The following SYDE1 variants were observed in gnomAD, a reference collection of about 807,000 sequenced individuals.
SYDE1 encodes the protein rho GTPase-activating protein SYDE1.
SYDE1 carries 34 observed loss-of-function variants against 63.3 expected under a neutral mutation model. The observed-to-expected ratio is 0.54, with a 90% CI of 0.41 to 0.71. The LOEUF (loss-of-function observed/expected upper bound fraction) is 0.71. SYDE1 is among the 30% of genes least tolerant of loss of function. The probability of loss-of-function intolerance (pLI) is 0.00; values close to 1 mark genes in which losing one functional copy is unlikely to be tolerated. For synonymous variants in SYDE1, 467 were observed against 473.4 expected, an observed-to-expected ratio of 0.99 and a Z score of 0.18; for missense variants, 925 against 1,042.5, an observed-to-expected ratio of 0.89 and a Z score of 1.55.
In SYDE1 at chr19:15,112,434, G is replaced by T; in HGVS notation, c.1667G>T (p.Cys556Phe). Residue 556 changes from cysteine (C) to phenylalanine (F), a missense_variant, in exon 7 of 8, where the codon TGC (cysteine) becomes TTC (phenylalanine). This residue lies in a region of SYDE1 where 255 missense variants were observed against 255.9 expected (regional missense o/e 1.00). Coordinates refer to ENST00000342784, the MANE Select transcript of SYDE1 (RefSeq NM_033025.6). The part of the protein sequence containing the change: ...NRMTPQNLAV[C>F]FGPVLLPARQ... ...ATGACCCCACAGAACTTGGCCGTGT[G>T]CTTCGGGCCTGTGCTGCTGCCGGCA... The T allele has an allele frequency of 6.2e-7, 1 of 1,601,968 alleles. No homozygotes were observed.
chr19:15,111,166 A>G lies in SYDE1; in HGVS notation c.1291-147A>G. ...GACAAGTAGTCCAAGCAGAGGGTTT[A>G]CAAGGCCAGGTTGTCAAGGTAGTTC... On this transcript the variant is annotated intron_variant, in intron 4 of 7. Transcript: ENST00000342784. This position sits in a 1 kb window ranked among gnomAD's most constrained non-coding sequence, Gnocchi z 5.5. The G allele has an allele frequency of 2.4e-6, 2 of 818,458 alleles. No individual in the cohort carries two copies. Among genetic ancestry groups the G allele is most frequent in the Non-Finnish European group, 3.9e-6 (2 of 516,250 alleles). 50.7% of individuals were successfully genotyped at this position (818,458 alleles called of 1,614,324 possible).
chr19:15,110,370 G>A lies in SYDE1; in HGVS notation c.1075+22G>A, dbSNP rs2046336748. The A allele has an allele frequency of 3.5e-6, 5 of 1,436,144 alleles. No individual in the cohort carries two copies. Among genetic ancestry groups the A allele is most frequent in the South Asian group, 1.5e-5 (1 of 68,056 alleles). 89.0% of individuals were successfully genotyped at this position (1,436,144 alleles called of 1,614,324 possible). A position where few individuals can be genotyped will look rare whatever the true frequency, so the allele number is the denominator to read the frequency against. On this transcript the variant is annotated intron_variant, in intron 3 of 7. Coordinates refer to ENST00000342784, the MANE Select transcript of SYDE1 (RefSeq NM_033025.6). The surrounding 1 kb of genome is among the most constrained non-coding windows in gnomAD (Gnocchi z 6.9). ...CGAGGTAGGACATGCGGCTGCAGGG[G>A]AGGAGGGGCAGGGACCCCCAAACCC...
intron 6 of SYDE1, among the ~76,000 whole-genome samples, 165 bp from the exon 7 acceptor site, chr19:15,112,181 T>C (rs1318351532): frequency 6.6e-6 from 1 of 152,182 alleles, no homozygotes; most frequent in Non-Finnish European, 1.5e-5. Context: ...TCCAACAAAA[T>C]AGGCTCATAA....
Position 15,111,378 on chromosome 19 carries a change from G to C in SYDE1, c.1356G>C (p.Glu452Asp). The C allele has an allele frequency of 6.2e-7, 1 of 1,614,114 alleles. No individual in the cohort carries two copies. Among genetic ancestry groups the C allele is most frequent in the Middle Eastern group, 1.6e-4 (1 of 6,062 alleles). ...AGAAAGAGCTTCGGGATGCCTTTGA[G>C]CGGGACAGTGCAGCGGTCTGCCTAT... ...AVKKELRDAFERDSAAVCLSE... is the reference protein window; with the variant it reads ...AVKKELRDAFDRDSAAVCLSE... Residue 452 changes from glutamate (E) to aspartate (D), a missense_variant, in exon 5 of 8, where the codon GAG (glutamate) becomes GAC (aspartate). Transcript: ENST00000342784. The surrounding 1 kb of genome is among the most constrained non-coding windows in gnomAD (Gnocchi z 5.5).
rs769245697 is a variant in SYDE1, at chr19:15,112,538, G to A, written c.1771G>A (p.Glu591Lys). ...TGCAGTGGACTTCAAGCACCACATCGAGGTGCTGCACTACCTGCTGCAGTC... is the reference window on the plus strand; with the variant it reads ...TGCAGTGGACTTCAAGCACCACATCAAGGTGCTGCACTACCTGCTGCAGTC... ...ASAVDFKHHI[E>K]VLHYLLQSWP... Residue 591 changes from glutamate to lysine, a missense_variant, in exon 7 of 8, where the codon GAG becomes AAG. Glu to Lys is a moderately conservative substitution (Grantham distance 56, BLOSUM62 1). Around this residue, in one of 3 missense-constraint regions of SYDE1, gnomAD observed 255 missense variants for 255.9 expected, o/e 1.00. Coordinates refer to ENST00000342784, the MANE Select transcript of SYDE1 (RefSeq NM_033025.6). 5 of 1,597,906 alleles carry A rather than the reference G, an allele frequency of 3.1e-6. No individual in the cohort carries two copies. The highest frequency in any genetic ancestry group is 2.3e-5 in the East Asian group (1 of 44,274).
Position 15,107,503 on chromosome 19 carries a change from T to A in SYDE1, c.70T>A (p.Ser24Thr). The A allele has an allele frequency of 1.3e-6, 2 of 1,543,752 alleles. No individual in the cohort carries two copies. The highest frequency in any genetic ancestry group is 1.8e-6 in the Non-Finnish European group (2 of 1,142,292). ...RGREKLPRKK[S>T]DAKERGHPAQ... ...CCGGGAGAAACTTCCCCGGAAAAAG[T>A]CGGACGCCAAGGAGCGCGGTAAGCG... The change falls in exon 1 of 8, where the codon TCG becomes ACG. Residue 24 changes from serine to threonine, a missense_variant. Coordinates refer to ENST00000342784, the MANE Select transcript of SYDE1 (RefSeq NM_033025.6).
rs1413001353 is a variant in SYDE1 at position 15,110,409 on chromosome 19, C to T, written c.1075+61C>T. ...ACCCCCAAACCCCACCGCCACCCCC[C>T]GCAGAGTGCCTAGGGGGCTGGGCTC... On this transcript the variant is annotated intron_variant, in intron 3 of 7. Transcript: ENST00000342784. The surrounding 1 kb of genome is among the most constrained non-coding windows in gnomAD (Gnocchi z 6.9). 1.2e-5 allele frequency: 17 copies of T among 1,452,822 alleles called. No individual in the cohort carries two copies. In the Admixed American group the frequency reaches 1.2e-4, roughly 10 times the overall value. The allele number at this position is 1,452,822 out of a possible 1,614,324, so 90.0% of individuals were successfully genotyped here. A position where few individuals can be genotyped will look rare whatever the true frequency, so the allele number is the denominator to read the frequency against.
Position 15,111,186 on chromosome 19 carries a change from T to C in SYDE1, c.1291-127T>C, listed in dbSNP as rs2046343512. 2 of 1,008,816 alleles carry C rather than the reference T, an allele frequency of 2.0e-6. No homozygotes were observed. 62.5% of individuals were successfully genotyped at this position (1,008,816 alleles called of 1,614,324 possible). On this transcript the variant is annotated intron_variant, in intron 4 of 7. Coordinates refer to ENST00000342784, the MANE Select transcript of SYDE1 (RefSeq NM_033025.6). This position sits in a 1 kb window ranked among gnomAD's most constrained non-coding sequence, Gnocchi z 5.5. Reference sequence around the variant, plus strand: ...GGTTTACAAGGCCAGGTTGTCAAGGTAGTTCCAACCTCCCAGCCCACAATG... The same window carrying C: ...GGTTTACAAGGCCAGGTTGTCAAGGCAGTTCCAACCTCCCAGCCCACAATG...
rs1177034610 is a variant in SYDE1 at position 15,114,632 on chromosome 19, C to CCA, written c.*670_*671insAC. The CCA allele has an allele frequency of 6.8e-6, 1 of 146,032 alleles. No individual in the cohort carries two copies. Among genetic ancestry groups the CCA allele is most frequent in the Non-Finnish European group, 1.5e-5 (1 of 65,760 alleles). 9.0% of individuals were successfully genotyped at this position (146,032 alleles called of 1,614,324 possible). A position where few individuals can be genotyped will look rare whatever the true frequency, so the allele number is the denominator to read the frequency against. On this transcript the variant is annotated 3_prime_UTR_variant, in exon 8 of 8. Transcript: ENST00000342784. ...CATCTCCTTGCCCCCCCCTTGCCCC[C>CCA]CCCCCCGAAAAAAATTGAGCACTTA...
rs1247656994 is a variant in SYDE1, at chr19:15,107,597, A to G, written c.88+76A>G. ...GGAGCGGGGTCCCAGGGCCCCGAGG[A>G]CAGACGGTGGGGGGGATCAGGGGGA... is the stretch of plus-strand genomic sequence containing the variant. On this transcript the variant is annotated intron_variant, in intron 1 of 7. Coordinates refer to ENST00000342784, the MANE Select transcript of SYDE1 (RefSeq NM_033025.6). 13 of 1,061,960 alleles carry G rather than the reference A, an allele frequency of 1.2e-5. 2 individuals carry two copies. The Admixed American group carries it at 1.6e-4, about 13-fold the overall frequency. 65.8% of individuals were successfully genotyped at this position (1,061,960 alleles called of 1,614,324 possible).
Position 15,108,960 on chromosome 19 carries a change from G to A in SYDE1, c.89-96G>A, listed in dbSNP as rs2046323032. ...CATGACTTATCAGGGGCCGGCCAGG[G>A]CCGTACACAGCATCCCACCCACTGA... On this transcript the variant is annotated intron_variant, in intron 1 of 7. Coordinates refer to ENST00000342784, the MANE Select transcript of SYDE1 (RefSeq NM_033025.6). The surrounding 1 kb of genome is among the most constrained non-coding windows in gnomAD (Gnocchi z 4.3). 7.0e-7 allele frequency: 1 copy of A among 1,426,120 alleles called. No homozygotes were observed. The highest frequency in any genetic ancestry group is 1.4e-5 in the African/African-American group (1 of 69,430). The allele number at this position is 1,426,120 out of a possible 1,614,324, so 88.3% of individuals were successfully genotyped here.
In SYDE1 at chr19:15,114,740, T is replaced by C. The variant is rs2046374167; in HGVS notation, c.*777T>C. ...GGAACATATTTATTGCCTCCATGCA[T>C]GTGTGTGTGTGTCTGTGAGGACTGG... On this transcript the variant is annotated 3_prime_UTR_variant, in exon 8 of 8. Coordinates refer to ENST00000342784, the MANE Select transcript of SYDE1 (RefSeq NM_033025.6). The C allele has an allele frequency of 5.8e-6, 1 of 173,066 alleles. No homozygotes were observed. Among genetic ancestry groups the C allele is most frequent in the African/African-American group, 2.4e-5 (1 of 41,178 alleles). 10.7% of individuals were successfully genotyped at this position (173,066 alleles called of 1,614,324 possible). A position where few individuals can be genotyped will look rare whatever the true frequency, so the allele number is the denominator to read the frequency against.
rs762036387 is a variant in SYDE1 at position 15,110,109 on chromosome 19, G to A, written c.836G>A (p.Arg279Gln). Residue 279 changes from arginine to glutamine, a missense_variant, in exon 3 of 8, where the codon CGG (arginine) becomes CAG (glutamine). Physicochemically the swap from Arg to Gln is conservative, Grantham distance 43 (BLOSUM62 1). Coordinates refer to ENST00000342784, the MANE Select transcript of SYDE1 (RefSeq NM_033025.6). This position sits in a 1 kb window ranked among gnomAD's most constrained non-coding sequence, Gnocchi z 6.9. ...CACCTGTACGGTCTCGGGGGGCTGC[G>A]GCCAGCGCCGGGGGCCACCCCCAGG... ...SLHLYGLGGLRPAPGATPRDL... is the reference protein window; with the variant it reads ...SLHLYGLGGLQPAPGATPRDL... 3.8e-5 allele frequency: 54 copies of A among 1,415,608 alleles called. No individual in the cohort carries two copies. In the Middle Eastern group the frequency reaches 1.5e-3, roughly 40 times the overall value. 87.7% of individuals were successfully genotyped at this position (1,415,608 alleles called of 1,614,324 possible). A position where few individuals can be genotyped will look rare whatever the true frequency, so the allele number is the denominator to read the frequency against.
Position 15,110,849 on chromosome 19 carries a change from C to A in SYDE1, c.1290+114C>A. 2.2e-6 allele frequency: 2 copies of A among 921,744 alleles called. No homozygotes were observed. Among genetic ancestry groups the A allele is most frequent in the Non-Finnish European group, 3.2e-6 (2 of 631,704 alleles). The allele number at this position is 921,744 out of a possible 1,614,324, so 57.1% of individuals were successfully genotyped here. A position where few individuals can be genotyped will look rare whatever the true frequency, so the allele number is the denominator to read the frequency against. ...CCCAGGCCTGAGCCACTCCTAGCTC[C>A]AATCCCAACCTAGACAAGGGCAGAA... On this transcript the variant is annotated intron_variant, in intron 4 of 7. Coordinates refer to ENST00000342784, the MANE Select transcript of SYDE1 (RefSeq NM_033025.6). This position sits in a 1 kb window ranked among gnomAD's most constrained non-coding sequence, Gnocchi z 6.9.
Position 15,110,045 on chromosome 19 carries a change from C to T in SYDE1, c.772C>T (p.Arg258Trp), listed in dbSNP as rs749505844. The T allele has an allele frequency of 7.3e-6, 11 of 1,500,426 alleles. No homozygotes were observed. The East Asian group carries it at 1.9e-4, about 25-fold the overall frequency. 92.9% of individuals were successfully genotyped at this position (1,500,426 alleles called of 1,614,324 possible). The change falls in exon 3 of 8, where the codon CGG becomes TGG. Residue 258 changes from arginine to tryptophan, a missense_variant. Physicochemically the swap from Arg to Trp is moderately radical, Grantham distance 101. Coordinates refer to ENST00000342784, the MANE Select transcript of SYDE1 (RefSeq NM_033025.6). This position sits in a 1 kb window ranked among gnomAD's most constrained non-coding sequence, Gnocchi z 6.9. ...FRPYEVGPAA[R>W]APPAALWGRL... is the part of the protein sequence containing the mutation. ...GCCCTACGAGGTGGGTCCCGCAGCC[C>T]GGGCACCCCCGGCCGCACTCTGGGG...
chr19:15,113,690 C>A lies in SYDE1; in HGVS notation c.1935C>A (p.Ser645Arg). The A allele has an allele frequency of 6.2e-7, 1 of 1,613,362 alleles. No individual in the cohort carries two copies. Among genetic ancestry groups the A allele is most frequent in the Non-Finnish European group, 8.5e-7 (1 of 1,179,828 alleles). ...TRPRGRGGPE[S>R]PPSNRYAGDW... ...CCCGCGGTCGAGGAGGCCCCGAAAG[C>A]CCCCCGAGCAACCGCTACGCCGGCG... The change falls in exon 8 of 8, where the codon AGC (serine) becomes AGA (arginine). Residue 645 changes from serine to arginine, a missense_variant. By Grantham distance (110) the Ser-to-Arg change is moderately radical. Transcript: ENST00000342784.
rs2046375490 is a variant in SYDE1 at position 15,114,883 on chromosome 19, C to T, written c.*920C>T. ...CCAATAATGGTGCCTCAGTGGGCCC[C>T]AGAGTTCCAGTGGGAGAGTACGGTT... is the stretch of plus-strand genomic sequence containing the variant. On this transcript the variant is annotated 3_prime_UTR_variant, in exon 8 of 8. Transcript: ENST00000342784. The T allele has an allele frequency of 3.1e-6, 1 of 327,148 alleles. No homozygotes were observed. The highest frequency in any genetic ancestry group is 5.9e-6 in the Non-Finnish European group (1 of 169,746). The allele number at this position is 327,148 out of a possible 1,614,324, so 20.3% of individuals were successfully genotyped here.
At chr19:15,113,247 C>T (rs1274447670) in intron 7 of SYDE1, among the ~76,000 whole-genome samples, 1 of 152,116 alleles carries the variant, frequency 6.6e-6, no homozygotes, top group African/African-American at 2.4e-5. Context: ...ACGGTGTTGG[C>T]CAGGCTGGTC....
Position 15,113,870 on chromosome 19 carries a change from G to C in SYDE1, c.2115G>C (p.Ala705=). 6.2e-7 allele frequency: 1 copy of C among 1,614,158 alleles called. No individual in the cohort carries two copies. Among genetic ancestry groups the C allele is most frequent in the South Asian group, 1.1e-5 (1 of 91,086 alleles). ...VTGDFEDDFD[A]PFNPHLNLKD... ...GTGACTTCGAAGACGACTTCGATGC[G>C]CCCTTCAACCCGCACCTGAATCTCA... The change falls in exon 8 of 8, where the codon GCG becomes GCC. Residue 705 remains alanine, a synonymous_variant. Coordinates refer to ENST00000342784, the MANE Select transcript of SYDE1 (RefSeq NM_033025.6).
Sources: allele counts gnomAD v4.1 joint callset (sites outside exome capture counted in the v4.1 genomes callset), GRCh38; gene constraint gnomAD v4.1.1; regional missense constraint gnomAD v4.1.1; non-coding constraint Gnocchi (gnomAD v3.1); transcripts MANE v1.5; gene names NCBI Gene and HGNC (gene_info 2026-07-23, HGNC 2026-07-21).